The following CCDC7 variants were observed in gnomAD, a reference collection of about 807,000 sequenced individuals.
The protein encoded by CCDC7 is coiled-coil domain containing 7.
In CCDC7, 183 loss-of-function variants were observed where a neutral mutation model predicts 196.9. The observed-to-expected ratio is 0.93, with a 90% confidence interval of 0.82 to 1.05. The LOEUF (loss-of-function observed/expected upper bound fraction) is 1.05. Among genes scored for constraint, CCDC7 ranks in the 50% least tolerant of loss-of-function variants. The pLI, the probability that CCDC7 is intolerant of heterozygous loss-of-function variation, is 0.00. For synonymous variants in CCDC7, 525 were observed against 484.6 expected, an observed-to-expected ratio of 1.08 and a Z score of -1.10; for missense variants, 1,540 against 1,482.2, an observed-to-expected ratio of 1.04 and a Z score of -0.64.
chr10:32,769,790 G>T (rs1054597269), intron 28 of CCDC7, among the ~76,000 whole-genome samples: 11 of 152,146 alleles, frequency 7.2e-5, no homozygotes, highest in Admixed American at 7.2e-4. Flanking sequence ...CTTTATCCAT[G>T]TCCCTGCAAA....
At chr10:32,576,682 C>T (rs185294219) in intron 16 of CCDC7, among the ~76,000 whole-genome samples, 5 of 151,474 alleles carry the variant, frequency 3.3e-5, no homozygotes, top group African/African-American at 9.7e-5. Flanking sequence ...GTCTGATTGG[C>T]GGGGACCACA....
chr10:32,577,892 C>T (rs1471803827), intron 16 of CCDC7, among the ~76,000 whole-genome samples: 1 of 152,126 alleles, frequency 6.6e-6, no homozygotes, highest in African/African-American at 2.4e-5. Flanking sequence ...AAAGTCTGCC[C>T]CATTAGGGCT....
intron 29 of CCDC7, among the ~76,000 whole-genome samples, chr10:32,790,754 A>T (rs1332960830): frequency 6.6e-6 from 1 of 152,160 alleles, no homozygotes; most frequent in Non-Finnish European, 1.5e-5. Flanking sequence ...CCCTGAGCCA[A>T]GCTACTGAAG....
chr10:32,518,595 A>G, intron 11 of CCDC7, 90 bp downstream of exon 12: 5 of 1,005,182 alleles, frequency 5.0e-6, no homozygotes, highest in Non-Finnish European at 6.8e-6. Context: ...TAAATGTTAT[A>G]TAATATGTTT....
chr10:32,764,298 G>C (rs1404845585), intron 28 of CCDC7, among the ~76,000 whole-genome samples: 1 of 150,460 alleles, frequency 6.6e-6, no homozygotes, highest in African/African-American at 2.5e-5. Flanking sequence ...CTCATGAGAA[G>C]GTGCACTGCA....
intron 37 of CCDC7, 77 bp from the exon 39 acceptor site, chr10:32,847,756 G>A: frequency 1.0e-5 from 9 of 878,154 alleles, no homozygotes; most frequent in South Asian, 3.5e-5. Flanking sequence ...AATTTCAAAA[G>A]AAAAAAGAAC....
At chr10:32,582,732 C>T (rs2058861976) in intron 16 of CCDC7, among the ~76,000 whole-genome samples, 1 of 151,962 alleles carries the variant, frequency 6.6e-6, no homozygotes, top group Non-Finnish European at 1.5e-5. Flanking sequence ...ATCTCCAAAC[C>T]ATCCTATGTT....
intron 28 of CCDC7, among the ~76,000 whole-genome samples, chr10:32,755,402 C>T (rs1565403747): frequency 6.6e-6 from 1 of 152,082 alleles, no homozygotes; most frequent in African/African-American, 2.4e-5. Flanking sequence ...CAGCCAGTTG[C>T]CCCTCTGAGA....
chr10:32,465,403 T>C (rs2036560520), intron 5 of CCDC7, among the ~76,000 whole-genome samples: 1 of 151,888 alleles, frequency 6.6e-6, no homozygotes, highest in Non-Finnish European at 1.5e-5. Flanking sequence ...TCTCTCCATA[T>C]GGTTCCCAGT....
chr10:32,829,021 G>A (rs2091811336), intron 32 of CCDC7, among the ~76,000 whole-genome samples: 3 of 152,110 alleles, frequency 2.0e-5, no homozygotes, highest in Non-Finnish European at 2.9e-5. Context: ...AAATCAACAG[G>A]CTAAGAAGGG....
chr10:32,615,761 GA>G (rs1564836061), intron 18 of CCDC7, among the ~76,000 whole-genome samples: 1 of 152,058 alleles, frequency 6.6e-6, no homozygotes, highest in Non-Finnish European at 1.5e-5. Context: ...TCAATGTCCA[GA>G]AGAGTTTTTC....
At chr10:32,535,832 G>A (rs747977762) in intron 11 of CCDC7, among the ~76,000 whole-genome samples, 5 of 152,152 alleles carry the variant, frequency 3.3e-5, no homozygotes, top group Admixed American at 3.3e-4. Context: ...GGTAGAAGAT[G>A]GCTTTGCAGG....
chr10:32,463,154 CTG>C (rs1426720208), intron 5 of CCDC7, 105 bp downstream of exon 6: 1 of 1,409,662 alleles, frequency 7.1e-7, no homozygotes, highest in East Asian at 2.4e-5. Flanking sequence ...TTTTGAATAA[CTG>C]TTGGTTATAA....
intron 7 of CCDC7, among the ~76,000 whole-genome samples, chr10:32,473,405 A>C (rs1404435598): frequency 2.0e-5 from 3 of 152,222 alleles, no homozygotes; most frequent in Non-Finnish European, 4.4e-5. Context: ...ATGAAGTAAC[A>C]GAGGGCCTAG....
At chr10:32,729,279 G>A (rs2083562066) in intron 27 of CCDC7, 53 bp from the exon 29 acceptor site, 7 of 1,465,770 alleles carry the variant, frequency 4.8e-6, no homozygotes, top group Non-Finnish European at 5.5e-6. Flanking sequence ...AAATTCTGAT[G>A]ATTACTTGGC....
intron 11 of CCDC7, among the ~76,000 whole-genome samples, chr10:32,540,150 CTCTT>C (rs71515564): frequency 0.25 from 37,996 of 151,840 alleles, 5,295 homozygotes; most frequent in South Asian, 0.44. Flanking sequence ...GGGTCTAAGT[CTCTT>C]TGTAGGTCCC....
chr10:32,699,633 A>T (rs989629850), intron 24 of CCDC7, among the ~76,000 whole-genome samples: 20 of 149,338 alleles, frequency 1.3e-4, no homozygotes, highest in Non-Finnish European at 2.6e-4. Context: ...CGCCACACAG[A>T]CTTCCACAAT....
At chr10:32,670,027 C>T (rs551230329) in intron 21 of CCDC7, among the ~76,000 whole-genome samples, 1 of 152,154 alleles carries the variant, frequency 6.6e-6, no homozygotes, top group South Asian at 2.1e-4. Flanking sequence ...TCCATCTTCG[C>T]TTGGGGCACG....
chr10:32,529,619 C>G (rs1487196568), intron 11 of CCDC7, among the ~76,000 whole-genome samples: 1 of 151,916 alleles, frequency 6.6e-6, no homozygotes, highest in Non-Finnish European at 1.5e-5. Context: ...AGTGGGATTA[C>G]TTGTTTTGTT....
Sources: gnomAD v4.1 joint callset for allele counts (sites outside exome capture counted in the v4.1 genomes callset) on GRCh38, gnomAD v4.1.1 for gene constraint, MANE v1.5 for transcripts, NCBI Gene and HGNC (gene_info 2026-07-23, HGNC 2026-07-21) for gene names.